Variants in USP13 observed in about 807,000 individuals in gnomAD.
The protein encoded by USP13 is ubiquitin specific peptidase 13.
In USP13, 68 loss-of-function variants were observed where a neutral mutation model predicts 107.8. The ratio of observed to expected loss-of-function variants is 0.63; its 90% confidence interval spans 0.52 to 0.77. USP13 has a LOEUF of 0.77. Among genes scored for constraint, USP13 ranks in the 30% least tolerant of loss-of-function variants. The pLI, the probability that USP13 is intolerant of heterozygous loss-of-function variation, is 0.00. For missense variants in USP13, 945 were observed against 1,093.3 expected (o/e 0.86, Z 1.91); for synonymous variants, 377 against 389.5 (o/e 0.97, Z 0.38).
intron 6 of USP13, among the ~76,000 whole-genome samples, chr3:179,718,229 C>G (rs1324011161): frequency 6.6e-6 from 1 of 151,572 alleles, no homozygotes; most frequent in African/African-American, 2.4e-5. Context: ...TTCACCAAGT[C>G]TGTTGGTATC....
intron 19 of USP13, among the ~76,000 whole-genome samples, chr3:179,776,340 G>C (rs1299498576): frequency 1.3e-5 from 2 of 152,150 alleles, no homozygotes; most frequent in East Asian, 3.9e-4. Context: ...GATAATCTTT[G>C]GGTGGCCTTA....
chr3:179,657,670 A>G (rs1302075896), intron 1 of USP13, among the ~76,000 whole-genome samples: 1 of 143,422 alleles, frequency 7.0e-6, no homozygotes, highest in Non-Finnish European at 1.5e-5. Context: ...AGGCTGAGGC[A>G]GGAGAATCGC....
chr3:179,780,865 T>C (rs1330037083), intron 19 of USP13, among the ~76,000 whole-genome samples: 1 of 152,228 alleles, frequency 6.6e-6, no homozygotes, highest in Non-Finnish European at 1.5e-5. Context: ...AAAATCAATA[T>C]GCAAGCCCAT....
intron 8 of USP13, among the ~76,000 whole-genome samples, chr3:179,723,065 C>T (rs1713383795): frequency 6.6e-6 from 1 of 152,162 alleles, no homozygotes; most frequent in Non-Finnish European, 1.5e-5. Context: ...AGGTAGGTTT[C>T]CACCTTAGTT....
At chr3:179,665,708 C>T (rs1264816378) in intron 1 of USP13, among the ~76,000 whole-genome samples, 2 of 152,104 alleles carry the variant, frequency 1.3e-5, no homozygotes, top group African/African-American at 4.8e-5. Flanking sequence ...GCCTCAGTCT[C>T]CTGAGTAGCT....
chr3:179,694,164 AG>A (rs769156278), intron 3 of USP13, among the ~76,000 whole-genome samples: 6 of 149,624 alleles, frequency 4.0e-5, no homozygotes, highest in Non-Finnish European at 7.4e-5. Context: ...CTGTGAAGAC[AG>A]GGTTCTGCCA....
intron 19 of USP13, among the ~76,000 whole-genome samples, chr3:179,767,686 G>A (rs535242233): frequency 6.6e-6 from 1 of 152,262 alleles, no homozygotes; most frequent in African/African-American, 2.4e-5. Flanking sequence ...GCTTGCCCAG[G>A]GCAGAGGCCA....
chr3:179,701,525 T>C (rs1712522988), intron 4 of USP13, among the ~76,000 whole-genome samples: 1 of 152,198 alleles, frequency 6.6e-6, no homozygotes, highest in South Asian at 2.1e-4. Context: ...AGTCTTTTTA[T>C]CATGTTTATT....
intron 4 of USP13, among the ~76,000 whole-genome samples, chr3:179,701,359 T>G (rs1039818877): frequency 3.3e-5 from 5 of 152,334 alleles, no homozygotes; most frequent in African/African-American, 1.2e-4. Flanking sequence ...TTACTTCAAG[T>G]GCTGTTAGGG....
intron 2 of USP13, among the ~76,000 whole-genome samples, chr3:179,682,933 CA>C (rs1464468186): frequency 2.6e-5 from 4 of 152,090 alleles, no homozygotes; most frequent in Admixed American, 2.0e-4. Context: ...CTCTGATCTG[CA>C]ATAATTATGA....
rs144455769 is a variant in USP13 at position 179,670,101 on chromosome 3, T to C, written c.169-11777T>C. On this transcript the variant is annotated intron_variant, in intron 1 of 20. Transcript: ENST00000263966. ...CCAAGCCTTTTCTGGAGTGGGGACCTTTGCACATGCTTTTGCATCTGGAGA... is the reference window on the plus strand; with the variant it reads ...CCAAGCCTTTTCTGGAGTGGGGACCCTTGCACATGCTTTTGCATCTGGAGA... Among the ~76,000 whole-genome samples the C allele has an allele frequency of 3.7e-3, 571 of 152,324 alleles. 5 individuals are homozygous for C. Among genetic ancestry groups the C allele is most frequent in the African/African-American group, 0.013 (552 of 41,566 alleles).
At chr3:179,728,724 A>C (rs1317349625) in intron 8 of USP13, among the ~76,000 whole-genome samples, 2 of 152,202 alleles carry the variant, frequency 1.3e-5, no homozygotes, top group African/African-American at 4.8e-5. Context: ...CTCCGTCTGC[A>C]ATCCCGGCAC....
At chr3:179,736,728 G>A (rs1714009064) in intron 10 of USP13, among the ~76,000 whole-genome samples, 1 of 152,220 alleles carries the variant, frequency 6.6e-6, no homozygotes, top group Non-Finnish European at 1.5e-5. Flanking sequence ...CACAGTCCAG[G>A]TATGGGGCTG....
In USP13 at chr3:179,786,290, G is replaced by A. The variant is rs1004720740; in HGVS notation, c.*2149G>A. ...TTTTCAGCGATGTTATAAAACAAAG[G>A]CCTGTTTTTTGGAATTGGGGGTGAC... is the stretch of plus-strand genomic sequence containing the variant. On this transcript the variant is annotated 3_prime_UTR_variant, in exon 21 of 21. Coordinates refer to ENST00000263966, the MANE Select transcript of USP13 (RefSeq NM_003940.3). 1 of 152,130 alleles carries A rather than the reference G, an allele frequency of 6.6e-6. No homozygotes were observed. Among genetic ancestry groups the A allele is most frequent in the Non-Finnish European group, 1.5e-5 (1 of 68,016 alleles). 9.4% of individuals were successfully genotyped at this position (152,130 alleles called of 1,614,324 possible). A position where few individuals can be genotyped will look rare whatever the true frequency, so the allele number is the denominator to read the frequency against.
At chr3:179,726,720 C>A (rs1251868696) in intron 8 of USP13, among the ~76,000 whole-genome samples, 1 of 151,504 alleles carries the variant, frequency 6.6e-6, no homozygotes, top group East Asian at 1.9e-4. Flanking sequence ...CTGTGTCATC[C>A]AGGCTGAAGT....
In USP13 at chr3:179,764,168, G is replaced by A. The variant is rs762717769; in HGVS notation, c.2259G>A (p.Thr753=). The stretch of plus-strand genomic sequence containing the variant: ...AGGCTATTCAGGCACTACGAGCAAC[G>A]GTGAGCATGAGAGACTGTGTGTGTG... ...RNQAIQALRA[T]NNNLERALDW... is the part of the protein sequence containing the mutation. The change falls in exon 18 of 21, where the codon ACG becomes ACA. Residue 753 remains threonine (T), a splice_region_variant and synonymous_variant. Coordinates refer to ENST00000263966, the MANE Select transcript of USP13 (RefSeq NM_003940.3). 20 of 1,598,628 alleles carry A rather than the reference G, an allele frequency of 1.3e-5. No homozygotes were observed. Among genetic ancestry groups the A allele is most frequent in the African/African-American group, 2.9e-5 (2 of 69,642 alleles).
chr3:179,716,035 C>T (rs1713101686), intron 6 of USP13, among the ~76,000 whole-genome samples: 1 of 152,168 alleles, frequency 6.6e-6, no homozygotes, highest in Non-Finnish European at 1.5e-5. Flanking sequence ...AGTGTTTCTC[C>T]TGCCTCAGCC....
chr3:179,774,136 A>AAG (rs978780654), intron 19 of USP13, among the ~76,000 whole-genome samples: 1 of 152,190 alleles, frequency 6.6e-6, no homozygotes. Flanking sequence ...GTCACGTGGC[A>AAG]AGAGAGAGAA....
intron 3 of USP13, among the ~76,000 whole-genome samples, chr3:179,694,761 A>G (rs1455631573): frequency 2.1e-5 from 3 of 141,316 alleles, no homozygotes; most frequent in Non-Finnish European, 4.6e-5. Flanking sequence ...AGATCGCACC[A>G]TTGCACTCCA....
Sources: allele counts gnomAD v4.1 joint callset (sites outside exome capture counted in the v4.1 genomes callset), GRCh38; gene constraint gnomAD v4.1.1; transcripts MANE v1.5; gene names NCBI Gene and HGNC (gene_info 2026-07-23, HGNC 2026-07-21).